BNC2: variants seen among roughly 807,000 people sequenced by gnomAD.
The protein encoded by BNC2 is zinc finger protein basonuclin-2.
BNC2 carries 20 observed loss-of-function variants against 76.3 expected under a neutral mutation model. The observed-to-expected ratio is 0.26, with a 90% CI of 0.18 to 0.38. The LOEUF (loss-of-function observed/expected upper bound fraction) is 0.38. BNC2 is among the 10% of genes least tolerant of loss of function. BNC2 has a pLI of 1.00. For synonymous variants in BNC2, 582 were observed against 514.8 expected (o/e 1.13, Z -1.77); for missense variants, 1,382 against 1,399.8 (o/e 0.99, Z 0.20).
chr9:16,869,373 C>A (rs1395850382), intron 1 of BNC2, among the ~76,000 whole-genome samples: 1 of 151,966 alleles, frequency 6.6e-6, no homozygotes, highest in Admixed American at 6.6e-5. Context: ...ACTTTAATTT[C>A]TGTCAGCGTT....
chr9:16,705,188 T>A (rs1823631299), intron 3 of BNC2: 1 of 112,770 alleles, frequency 8.9e-6, no homozygotes, highest in Non-Finnish European at 1.6e-5. Context: ...GAGGGCTAAA[T>A]GCACTGTGGC....
In BNC2 at chr9:16,693,170, G is replaced by A. The variant is rs1029448131; in HGVS notation, c.330+34627C>T. Among the ~76,000 whole-genome samples the A allele has an allele frequency of 2.0e-5, 3 of 151,772 alleles. No individual in the cohort carries two copies. The South Asian group carries it at 6.3e-4, about 32-fold the overall frequency. On this transcript the variant is annotated intron_variant, in intron 3 of 6. Coordinates refer to ENST00000380672, the MANE Select transcript of BNC2 (RefSeq NM_017637.6). ...AAAAAGACTTCACTGGGGGATGAGG[G>A]GGTGAGAGTGGCAAGAAGCAGCATA...
At chr9:16,738,922 G>A (rs765919197) in intron 1 of BNC2, among the ~76,000 whole-genome samples, 1 of 145,532 alleles carries the variant, frequency 6.9e-6, no homozygotes, top group Non-Finnish European at 1.5e-5. Flanking sequence ...TTACAATCTA[G>A]TACAGGAGAT....
chr9:16,685,656 T>A (rs891973712), intron 3 of BNC2: 33 of 1,293,328 alleles, frequency 2.6e-5, no homozygotes, highest in Non-Finnish European at 3.3e-5. Flanking sequence ...CGTTAGATGC[T>A]GTGTATGGAG....
intron 3 of BNC2, among the ~76,000 whole-genome samples, chr9:16,587,528 T>G (rs1819806999): frequency 6.6e-6 from 1 of 152,202 alleles, no homozygotes; most frequent in African/African-American, 2.4e-5. Flanking sequence ...TTTTCTAGAC[T>G]ATTTAAACTG....
At chr9:16,840,589 C>G (rs1361260076) in intron 1 of BNC2, among the ~76,000 whole-genome samples, 3 of 152,136 alleles carry the variant, frequency 2.0e-5, no homozygotes, top group African/African-American at 7.2e-5. Context: ...CTGTGACAAA[C>G]ACTATACAGT....
chr9:16,714,355 C>T (rs1823938775), intron 3 of BNC2, among the ~76,000 whole-genome samples: 1 of 152,212 alleles, frequency 6.6e-6, no homozygotes, highest in African/African-American at 2.4e-5. Flanking sequence ...TACTTCAGTG[C>T]TTCCCTCCCC....
chr9:16,814,176 C>T (rs1818125317), intron 1 of BNC2, among the ~76,000 whole-genome samples: 1 of 152,176 alleles, frequency 6.6e-6, no homozygotes, highest in Admixed American at 6.5e-5. Context: ...GACATAACTC[C>T]AGGCAAGAGC....
chr9:16,763,520 T>C (rs1196230372), intron 1 of BNC2, among the ~76,000 whole-genome samples: 1 of 151,944 alleles, frequency 6.6e-6, no homozygotes, highest in East Asian at 1.9e-4. Context: ...CAGTGAGCTG[T>C]GTTCACACCA....
chr9:16,707,080 T>C (rs923290860), intron 3 of BNC2, among the ~76,000 whole-genome samples: 3 of 152,064 alleles, frequency 2.0e-5, no homozygotes, highest in South Asian at 4.2e-4. Flanking sequence ...TGGGCGCCTG[T>C]AGTCCCAGCT....
chr9:16,539,768 A>AAG (rs1563831014), intron 5 of BNC2, among the ~76,000 whole-genome samples: 1 of 58,964 alleles, frequency 1.7e-5, no homozygotes, highest in African/African-American at 6.6e-5. Flanking sequence ...GGAAAGGAAA[A>AAG]GAAAGGAAAG....
Position 16,736,034 on chromosome 9 carries a change from G to A in BNC2, c.129+2326C>T, listed in dbSNP as rs1824657362. Among the ~76,000 whole-genome samples the A allele has an allele frequency of 2.0e-5, 3 of 151,688 alleles. No individual in the cohort carries two copies. In the South Asian group the frequency reaches 6.3e-4, roughly 32 times the overall value. On this transcript the variant is annotated intron_variant, in intron 2 of 6. Coordinates refer to ENST00000380672, the MANE Select transcript of BNC2 (RefSeq NM_017637.6). ...GGATCACTTGAGGACAGGAGTTTAA[G>A]ACCAGTATGGCCAACATGGCAAAAT...
rs564930065 is a variant in BNC2 at position 16,569,020 on chromosome 9, A to T, written c.433+13963T>A. 7.7e-3 allele frequency among the ~76,000 whole-genome samples: 982 copies of T among 128,182 alleles called. 15 individuals are homozygous for T. Among genetic ancestry groups the T allele is most frequent in the African/African-American group, 0.036 (936 of 25,698 alleles). 84.1% of individuals were successfully genotyped at this position (128,182 alleles called of 152,430 possible). ...CTTCTAGAGTTTTTTTTTTTTTTTT[A>T]AAGAGAAGAAGAAAACGAATGGTAT... On this transcript the variant is annotated intron_variant, in intron 4 of 6. Coordinates refer to ENST00000380672, the MANE Select transcript of BNC2 (RefSeq NM_017637.6).
intron 1 of BNC2, among the ~76,000 whole-genome samples, chr9:16,758,922 T>C (rs1033244500): frequency 7.7e-6 from 1 of 130,528 alleles, no homozygotes; most frequent in African/African-American, 2.8e-5. Flanking sequence ...TTTAAAAATA[T>C]TGTTTAAATT....
chr9:16,589,563 C>T (rs146419514), intron 3 of BNC2, among the ~76,000 whole-genome samples: 11 of 152,174 alleles, frequency 7.2e-5, no homozygotes, highest in East Asian at 3.9e-4. Context: ...GGCTGGAGTA[C>T]GGTGGTGCAA....
chr9:16,479,249 CA>C (rs772198451), intron 5 of BNC2, among the ~76,000 whole-genome samples: 83 of 65,130 alleles, frequency 1.3e-3, no homozygotes, highest in Middle Eastern at 8.2e-3. Context: ...GACTCTGTCT[CA>C]AAAAAAAAAA....
chr9:16,549,252 C>A (rs1160463905), intron 5 of BNC2, among the ~76,000 whole-genome samples: 3 of 152,184 alleles, frequency 2.0e-5, no homozygotes, highest in Non-Finnish European at 4.4e-5. Context: ...AAATTAATAT[C>A]CTGGCTTGAC....
chr9:16,834,013 C>T (rs538228034), intron 1 of BNC2, among the ~76,000 whole-genome samples: 178 of 152,268 alleles, frequency 1.2e-3, no homozygotes, highest in African/African-American at 4.2e-3. Flanking sequence ...CTCAGACAAC[C>T]TAGTTAATTT....
intron 1 of BNC2, among the ~76,000 whole-genome samples, chr9:16,782,581 C>A (rs1311519678): frequency 6.6e-6 from 1 of 151,916 alleles, no homozygotes; most frequent in Non-Finnish European, 1.5e-5. Flanking sequence ...CCTTCCTAGA[C>A]CCCTTCCACT....
Sources: gnomAD v4.1 joint callset for allele counts (sites outside exome capture counted in the v4.1 genomes callset) on GRCh38, gnomAD v4.1.1 for gene constraint, MANE v1.5 for transcripts, NCBI Gene and HGNC (gene_info 2026-07-23, HGNC 2026-07-21) for gene names.